ST8SIA6: variants seen among roughly 807,000 people sequenced by gnomAD.
ST8SIA6 encodes the protein ST8 alpha-N-acetyl-neuraminide alpha-2,8-sialyltransferase 6.
A neutral mutation model predicts 33.6 loss-of-function variants in ST8SIA6; 39 were observed. That is an observed-to-expected ratio of 1.16 (90% CI 0.90 to 1.52). The LOEUF (loss-of-function observed/expected upper bound fraction) is 1.52. Among genes scored for constraint, ST8SIA6 ranks in the 40% most tolerant of loss-of-function variants. The pLI is 0.00. For missense variants in ST8SIA6, 441 were observed against 443.8 expected, an observed-to-expected ratio of 0.99 and a Z score of 0.06; for synonymous variants, 172 against 167.2, an observed-to-expected ratio of 1.03 and a Z score of -0.22.
intron 3 of ST8SIA6, among the ~76,000 whole-genome samples, chr10:17,372,004 C>T (rs963616866): frequency 6.6e-6 from 1 of 152,010 alleles, no homozygotes; most frequent in Admixed American, 6.6e-5. Flanking sequence ...ATGCACTCTC[C>T]AGGTCGAAAA....
At chr10:17,409,371 T>C (rs1210588382) in intron 2 of ST8SIA6, 2 of 152,628 alleles carry the variant, frequency 1.3e-5, no homozygotes, top group Non-Finnish European at 2.9e-5. Context: ...TGTTGTGGAA[T>C]CTTCTTTAAA....
At chr10:17,379,382 A>C (rs1850046057) in intron 3 of ST8SIA6, among the ~76,000 whole-genome samples, 1 of 152,098 alleles carries the variant, frequency 6.6e-6, no homozygotes, top group Non-Finnish European at 1.5e-5. Flanking sequence ...GTGATGCAGC[A>C]CTTCTTTCAG....
At chr10:17,388,903 G>C (rs1009190986) in intron 3 of ST8SIA6, among the ~76,000 whole-genome samples, 1 of 152,100 alleles carries the variant, frequency 6.6e-6, no homozygotes. Context: ...TACAGTTTAG[G>C]GGTCATGCAG....
chr10:17,384,014 A>T (rs1214889275), intron 3 of ST8SIA6, among the ~76,000 whole-genome samples: 1 of 152,238 alleles, frequency 6.6e-6, no homozygotes, highest in Non-Finnish European at 1.5e-5. Flanking sequence ...CGTAAGTGCA[A>T]TAGGAATCTG....
rs1426133460 is a variant in ST8SIA6, at chr10:17,360,603, G to C, written c.291-1003C>G. On this transcript the variant is annotated intron_variant, in intron 3 of 7. Coordinates refer to ENST00000377602, the MANE Select transcript of ST8SIA6 (RefSeq NM_001004470.3). ...GCCAGAAAGAGGTGGGGGTGGGAAA[G>C]TGGAAATAGAAGTGATATAAATCAT... 7.2e-5 allele frequency among the ~76,000 whole-genome samples: 11 copies of C among 152,082 alleles called. No homozygotes were observed. The East Asian group carries it at 1.5e-3, about 21-fold the overall frequency.
chr10:17,384,385 C>A (rs1370977494), intron 3 of ST8SIA6, among the ~76,000 whole-genome samples: 1 of 152,108 alleles, frequency 6.6e-6, no homozygotes, highest in Non-Finnish European at 1.5e-5. Context: ...ATTTAAAAAA[C>A]TATGTAAAAA....
chr10:17,323,026 A>C (rs769407065), intron 7 of ST8SIA6, 39 bp downstream of exon 7: 1 of 1,543,436 alleles, frequency 6.5e-7, no homozygotes, highest in Admixed American at 1.7e-5. Flanking sequence ...AACAATGAAA[A>C]AGTGTTCCTG....
At chr10:17,324,100 G>A (rs1355317384) in intron 6 of ST8SIA6, among the ~76,000 whole-genome samples, 4 of 152,112 alleles carry the variant, frequency 2.6e-5, no homozygotes. Context: ...TTCTAATTTT[G>A]AGTAATTATA....
chr10:17,352,414 A>G (rs1267305461), intron 4 of ST8SIA6, among the ~76,000 whole-genome samples: 1 of 152,162 alleles, frequency 6.6e-6, no homozygotes, highest in African/African-American at 2.4e-5. Flanking sequence ...TGAAATATAA[A>G]CTCATGAGTG....
intron 2 of ST8SIA6, among the ~76,000 whole-genome samples, chr10:17,400,505 C>G (rs1259502963): frequency 1.3e-5 from 2 of 152,190 alleles, no homozygotes; most frequent in Non-Finnish European, 2.9e-5. Context: ...GCACTCCATC[C>G]TGGGTGATAA....
In ST8SIA6 at chr10:17,321,076, T is replaced by C. The variant is rs1847925937; in HGVS notation, c.999A>G (p.Glu333=). The change falls in exon 8 of 8, where the codon GAA becomes GAG. Residue 333 remains glutamate, a synonymous_variant. Transcript: ENST00000377602. ...CATACAGCTTCACATTTTTACACAG[T>C]TCCACTGCAACACTTGTGATCATCA... ...TGLMITSVAV[E]LCKNVKLYGF... is the part of the protein sequence containing the mutation. 1 of 1,614,002 alleles carries C rather than the reference T, an allele frequency of 6.2e-7. No homozygotes were observed. The highest frequency in any genetic ancestry group is 8.5e-7 in the Non-Finnish European group (1 of 1,180,000).
chr10:17,399,340 T>C (rs1359702481), intron 2 of ST8SIA6: 1 of 152,188 alleles, frequency 6.6e-6, no homozygotes, highest in East Asian at 1.9e-4. Flanking sequence ...TCTTCCATAA[T>C]CATATTAATT....
At chr10:17,412,813 A>G (rs1214698479) in intron 2 of ST8SIA6, among the ~76,000 whole-genome samples, 2 of 152,224 alleles carry the variant, frequency 1.3e-5, no homozygotes. Flanking sequence ...CTTTTGTACA[A>G]TTCAAAATAG....
Position 17,316,948 on chromosome 10 carries a change from T to C in ST8SIA6, c.*3930A>G, listed in dbSNP as rs1847794501. ...TTCACTGACTAGAACTCTTTCATTT[T>C]AATACAGTCATAGCCATCCTTTCTT... On this transcript the variant is annotated 3_prime_UTR_variant, in exon 8 of 8. Coordinates refer to ENST00000377602, the MANE Select transcript of ST8SIA6 (RefSeq NM_001004470.3). Among the ~76,000 whole-genome samples, 2 of 151,870 alleles carry C rather than the reference T, an allele frequency of 1.3e-5. No individual in the cohort carries two copies. Among genetic ancestry groups the C allele is most frequent in the South Asian group, 2.1e-4 (1 of 4,824 alleles).
At chr10:17,416,520 C>G (rs150113113) in intron 2 of ST8SIA6, among the ~76,000 whole-genome samples, 216 of 152,314 alleles carry the variant, frequency 1.4e-3, no homozygotes, top group African/African-American at 4.7e-3. Context: ...CCTTTGACTT[C>G]CCTCTTTTCC....
At chr10:17,431,531 A>C (rs1038500137) in intron 2 of ST8SIA6, among the ~76,000 whole-genome samples, 1 of 152,194 alleles carries the variant, frequency 6.6e-6, no homozygotes, top group African/African-American at 2.4e-5. Flanking sequence ...GCTATGGTAG[A>C]AAAAGCATAA....
chr10:17,327,950 C>G (rs891154199), intron 5 of ST8SIA6, among the ~76,000 whole-genome samples: 6 of 151,992 alleles, frequency 3.9e-5, no homozygotes, highest in African/African-American at 1.5e-4. Flanking sequence ...TAAAATAAAT[C>G]ATTATGTGAA....
chr10:17,326,126 T>G (rs1848122456), intron 6 of ST8SIA6, among the ~76,000 whole-genome samples: 1 of 152,180 alleles, frequency 6.6e-6, no homozygotes, highest in African/African-American at 2.4e-5. Context: ...GCTTCATCAT[T>G]ACCTGCAGCA....
At chr10:17,433,203 C>A (rs1489640281) in intron 2 of ST8SIA6, among the ~76,000 whole-genome samples, 4 of 152,114 alleles carry the variant, frequency 2.6e-5, no homozygotes, top group Admixed American at 6.6e-5. Context: ...AAAAAAATAA[C>A]CTGTACCTTT....
Sources: gnomAD v4.1 joint callset for allele counts (sites outside exome capture counted in the v4.1 genomes callset) on GRCh38, gnomAD v4.1.1 for gene constraint, MANE v1.5 for transcripts, NCBI Gene and HGNC (gene_info 2026-07-23, HGNC 2026-07-21) for gene names.